FOXP1: variants seen among roughly 807,000 people sequenced by gnomAD.
FOXP1 encodes the protein forkhead box protein P1.
FOXP1 carries 15 observed loss-of-function variants against 98.2 expected under a neutral mutation model. That is an observed-to-expected ratio of 0.15 (90% CI 0.10 to 0.24). The LOEUF is 0.24. Ranked by LOEUF, FOXP1 falls within the 10% of genes least tolerant of loss-of-function variation. FOXP1 has a pLI of 1.00. For synonymous variants in FOXP1, 371 were observed against 314.5 expected, an observed-to-expected ratio of 1.18 and a Z score of -1.90; for missense variants, 633 against 848.5, an observed-to-expected ratio of 0.75 and a Z score of 3.15.
In FOXP1 at chr3:70,957,561, C is replaced by T. The variant is rs1454754962; in HGVS notation, c.*1686G>A. The T allele has an allele frequency of 8.6e-6, 2 of 231,832 alleles. No individual in the cohort carries two copies. The highest frequency in any genetic ancestry group is 6.1e-5 in the East Asian group (1 of 16,338). 14.4% of individuals were successfully genotyped at this position (231,832 alleles called of 1,614,324 possible). On this transcript the variant is annotated 3_prime_UTR_variant, in exon 21 of 21. Coordinates refer to ENST00000649528, the MANE Select transcript of FOXP1 (RefSeq NM_001349338.3). ...CAAAGAAAGAATATAAATTAAGCTTCGAAAGGCTCTCGAACTAAAAAAAAC... is the reference window on the plus strand; with the variant it reads ...CAAAGAAAGAATATAAATTAAGCTTTGAAAGGCTCTCGAACTAAAAAAAAC...
At chr3:71,053,919 C>A in intron 7 of FOXP1, 146 bp from the exon 8 acceptor site, 1 of 836,386 alleles carries the variant, frequency 1.2e-6, no homozygotes, top group Admixed American at 2.0e-5. Flanking sequence ...GATGCAGCAA[C>A]AGATCCTATT....
chr3:71,105,016 C>T (rs541093092), intron 7 of FOXP1, among the ~76,000 whole-genome samples: 1 of 152,326 alleles, frequency 6.6e-6, no homozygotes, highest in South Asian at 2.1e-4. Flanking sequence ...ATACCTACAA[C>T]CAATCTGTTG....
At chr3:71,553,387 C>T (rs549247742) in intron 2 of FOXP1, among the ~76,000 whole-genome samples, 301 of 152,244 alleles carry the variant, frequency 2.0e-3, no homozygotes, top group African/African-American at 6.1e-3. Flanking sequence ...CATTTCTATA[C>T]GGAATTCACA....
At chr3:71,403,047 T>C (rs1235937730) in intron 3 of FOXP1, among the ~76,000 whole-genome samples, 2 of 152,220 alleles carry the variant, frequency 1.3e-5, no homozygotes, top group African/African-American at 2.4e-5. Context: ...GATAAGAGAT[T>C]GTATAAGCAA....
chr3:71,405,091 C>G (rs2082223817), intron 3 of FOXP1, among the ~76,000 whole-genome samples: 1 of 152,202 alleles, frequency 6.6e-6, no homozygotes, highest in Admixed American at 6.5e-5. Context: ...CACACATCTG[C>G]CTTGCCAGCC....
chr3:71,208,784 T>C (rs2064239406), intron 5 of FOXP1, among the ~76,000 whole-genome samples: 1 of 151,958 alleles, frequency 6.6e-6, no homozygotes, highest in African/African-American at 2.4e-5. Context: ...TAAACAGAAC[T>C]GGGGAGGAGA....
chr3:71,140,951 GAAA>G (rs1203035978), intron 6 of FOXP1, among the ~76,000 whole-genome samples: 1 of 139,770 alleles, frequency 7.2e-6, no homozygotes. Context: ...TGGTCTCCAA[GAAA>G]AAAAAAAAAA....
intron 4 of FOXP1, among the ~76,000 whole-genome samples, chr3:71,315,965 C>A (rs1338190976): frequency 6.6e-6 from 1 of 152,174 alleles, no homozygotes; most frequent in Admixed American, 6.5e-5. Flanking sequence ...TTAACCAACT[C>A]TGGTTTGAAG....
intron 2 of FOXP1, among the ~76,000 whole-genome samples, chr3:71,557,975 T>C (rs2046259829): frequency 6.6e-6 from 1 of 151,936 alleles, no homozygotes; most frequent in South Asian, 2.1e-4. Flanking sequence ...AGCCACCACA[T>C]CTGGCTGATT....
intron 3 of FOXP1, among the ~76,000 whole-genome samples, chr3:71,361,080 T>G (rs2078531528): frequency 1.3e-5 from 2 of 152,220 alleles, no homozygotes; most frequent in Non-Finnish European, 2.9e-5. Context: ...ATGTGCTGTG[T>G]GGGCATTTTC....
chr3:71,299,265 C>T (rs1451010348), intron 5 of FOXP1, among the ~76,000 whole-genome samples: 2 of 152,198 alleles, frequency 1.3e-5, no homozygotes, highest in Non-Finnish European at 2.9e-5. Context: ...ATTTGATTTT[C>T]AAGCAAGGTC....
At chr3:71,439,044 A>G (rs1381286578) in intron 3 of FOXP1, among the ~76,000 whole-genome samples, 1 of 152,058 alleles carries the variant, frequency 6.6e-6, no homozygotes, top group African/African-American at 2.4e-5. Flanking sequence ...TGCTCTCACA[A>G]CTCATCTTCC....
intron 3 of FOXP1, among the ~76,000 whole-genome samples, chr3:71,372,619 T>C (rs905489803): frequency 6.6e-6 from 1 of 152,204 alleles, no homozygotes; most frequent in Non-Finnish European, 1.5e-5. Flanking sequence ...TCCTGCCATC[T>C]ACAGCACAAT....
intron 6 of FOXP1, among the ~76,000 whole-genome samples, chr3:71,156,553 G>A (rs979441768): frequency 3.9e-5 from 6 of 152,212 alleles, no homozygotes; most frequent in Non-Finnish European, 8.8e-5. Context: ...TGCAGAATGA[G>A]GCTAGCATTT....
At position 71,155,916 on chromosome 3, in the gene FOXP1, G is replaced by A. The variant is rs557373773; in HGVS notation, c.180+42286C>T. Among the ~76,000 whole-genome samples the A allele has an allele frequency of 9.8e-5, 15 of 152,306 alleles. 1 individual carries two copies. In the South Asian group the frequency reaches 3.1e-3, roughly 32 times the overall value. On this transcript the variant is annotated intron_variant, in intron 6 of 20. Coordinates refer to ENST00000649528, the MANE Select transcript of FOXP1 (RefSeq NM_001349338.3). Reference sequence around the variant, plus strand: ...CAGGTAAACATGAAGCCAATGGGTGGTTTTTCTCCCCTTGTGCTTTGGACA... The same window carrying A: ...CAGGTAAACATGAAGCCAATGGGTGATTTTTCTCCCCTTGTGCTTTGGACA...
chr3:70,983,186 G>A (rs1441808929), intron 14 of FOXP1, among the ~76,000 whole-genome samples: 3 of 152,000 alleles, frequency 2.0e-5, no homozygotes, highest in Non-Finnish European at 4.4e-5. Context: ...CCCTGTTTTA[G>A]AGAAGCGAAC....
chr3:70,986,681 A>G (rs544534018), intron 14 of FOXP1, among the ~76,000 whole-genome samples: 3 of 152,312 alleles, frequency 2.0e-5, no homozygotes, highest in Non-Finnish European at 4.4e-5. Flanking sequence ...CACAACAGTG[A>G]ATGACCTGGT....
chr3:71,508,254 G>T (rs1454747233), intron 2 of FOXP1, among the ~76,000 whole-genome samples: 1 of 152,182 alleles, frequency 6.6e-6, no homozygotes, highest in Non-Finnish European at 1.5e-5. Context: ...TTCTAGCTTT[G>T]ATTTGGTTTT....
At position 71,206,402 on chromosome 3, in the gene FOXP1, A is replaced by G. The variant is rs560361020; in HGVS notation, c.-11-8010T>C. Among the ~76,000 whole-genome samples the G allele has an allele frequency of 2.6e-5, 4 of 152,344 alleles. No homozygotes were observed. The South Asian group carries it at 8.3e-4, about 32-fold the overall frequency. ...AGATAATCAACCAATGAAATTTCCT[A>G]CAAAAACCCATTGGAAACACTGAAT... On this transcript the variant is annotated intron_variant, in intron 5 of 20. Transcript: ENST00000649528.
Sources: allele counts gnomAD v4.1 joint callset (sites outside exome capture counted in the v4.1 genomes callset), GRCh38; gene constraint gnomAD v4.1.1; transcripts MANE v1.5; gene names NCBI Gene and HGNC (gene_info 2026-07-23, HGNC 2026-07-21).